The following NOTCH2 variants were observed in gnomAD, a reference collection of about 807,000 sequenced individuals.
The protein encoded by NOTCH2 is notch receptor 2, also known as neurogenic locus notch homolog protein 2.
Under a neutral mutation model 235.8 loss-of-function variants are expected in NOTCH2, and 29 were observed. The observed-to-expected ratio is 0.12, with a 90% CI of 0.09 to 0.17. The LOEUF is 0.17. NOTCH2 is among the 10% of genes least tolerant of loss of function. The pLI, the probability that NOTCH2 is intolerant of heterozygous loss-of-function variation, is 1.00. For synonymous variants in NOTCH2, 1,086 were observed against 1,141.5 expected (o/e 0.95, Z 0.98); for missense variants, 2,285 against 3,150.2 (o/e 0.73, Z 6.57).
chr1:119,942,873 CT>C (rs587671333), intron 17 of NOTCH2, among the ~76,000 whole-genome samples: 29,199 of 128,060 alleles, frequency 0.23, 2,994 homozygotes, highest in African/African-American at 0.37. Context: ...GTCCATATGT[CT>C]TTTTTTTTTT....
At chr1:119,944,571 A>G (rs587759435) in intron 17 of NOTCH2, among the ~76,000 whole-genome samples, 1 of 151,598 alleles carries the variant, frequency 6.6e-6, no homozygotes, top group East Asian at 1.9e-4. Flanking sequence ...CCACACCAAC[A>G]GGCATTATAA....
chr1:120,025,974 C>T (rs1397820366), intron 2 of NOTCH2, among the ~76,000 whole-genome samples: 3 of 138,466 alleles, frequency 2.2e-5, no homozygotes, highest in Non-Finnish European at 3.0e-5. Context: ...ATCTTATCTC[C>T]CTGTAGTGAG....
At chr1:119,922,926 G>T in intron 26 of NOTCH2, 148 bp from the exon 27 acceptor site, 1 of 905,490 alleles carries the variant, frequency 1.1e-6, no homozygotes, top group Non-Finnish European at 1.8e-6. Context: ...GCTGCCTTAA[G>T]ACATATCTCA....
intron 1 of NOTCH2, among the ~76,000 whole-genome samples, chr1:120,040,881 C>CA (rs1301494713): frequency 4.4e-3 from 625 of 142,892 alleles, no homozygotes; most frequent in African/African-American, 0.013. Context: ...ACTAAAAATA[C>CA]AAAAAAAAAA....
intron 30 of NOTCH2, 26 bp from the exon 31 acceptor site, chr1:119,919,639 G>C (rs370290586): frequency 1.2e-6 from 2 of 1,609,802 alleles, no homozygotes; most frequent in East Asian, 4.5e-5. Flanking sequence ...ATTCCATAAA[G>C]TACTCAAGAA....
At chr1:120,058,279 G>A (rs61790263) in intron 1 of NOTCH2, among the ~76,000 whole-genome samples, 17 of 151,614 alleles carry the variant, frequency 1.1e-4, no homozygotes, top group South Asian at 2.1e-4. Context: ...TGAGGCGGGC[G>A]GATCACCTGA....
chr1:119,918,348 C>G, intron 32 of NOTCH2, 58 bp downstream of exon 32: 2 of 1,597,278 alleles, frequency 1.3e-6, no homozygotes, highest in South Asian at 1.1e-5. Flanking sequence ...AACTCTATTC[C>G]CCTCGTCAGA....
Position 119,911,994 on chromosome 1 carries a change from T to A in NOTCH2, c.*3312A>T, listed in dbSNP as rs1220025609. ...TTTGCTCTCTCAGCAAATTATGACA[T>A]CATGAGGTAACACTGCCAGGCCATG... On this transcript the variant is annotated 3_prime_UTR_variant, in exon 34 of 34. Coordinates refer to ENST00000256646, the MANE Select transcript of NOTCH2 (RefSeq NM_024408.4). 4.3e-6 allele frequency: 1 copy of A among 233,532 alleles called. No homozygotes were observed. The highest frequency in any genetic ancestry group is 6.0e-5 in the East Asian group (1 of 16,560). The allele number at this position is 233,532 out of a possible 1,614,324, so 14.5% of individuals were successfully genotyped here.
rs1557840258 is a variant in NOTCH2, at chr1:119,999,971, GA to G, written c.416-2640del. ...AGAAAGAAAGAAAGAAAGAAAGAAA[GA>G]AAGAAAGGAAGGAAGGAAGGAAGGA... On this transcript the variant is annotated intron_variant, in intron 3 of 33. Coordinates refer to ENST00000256646, the MANE Select transcript of NOTCH2 (RefSeq NM_024408.4). 5.9e-3 allele frequency among the ~76,000 whole-genome samples: 576 copies of G among 98,214 alleles called. 1 individual carries two copies. The highest frequency in any genetic ancestry group is 0.013 in the East Asian group (51 of 3,784). The allele number at this position is 98,214 out of a possible 152,430, so 64.4% of individuals were successfully genotyped here.
At chr1:119,943,409 G>A (rs1421428732) in intron 17 of NOTCH2, among the ~76,000 whole-genome samples, 1 of 152,090 alleles carries the variant, frequency 6.6e-6, no homozygotes, top group East Asian at 1.9e-4. Context: ...AACAGCTCAT[G>A]TTTATTCAAT....
At chr1:119,924,925 T>C (rs900790340) in intron 25 of NOTCH2, among the ~76,000 whole-genome samples, 4 of 152,158 alleles carry the variant, frequency 2.6e-5, no homozygotes, top group African/African-American at 9.7e-5. Context: ...TAAATCTAGA[T>C]GGGGAAAAAC....
At position 119,967,655 on chromosome 1, in the gene NOTCH2, A is replaced by G. The variant is rs375998915; in HGVS notation, c.1265-34T>C. On this transcript the variant is annotated intron_variant, in intron 7 of 33. Transcript: ENST00000256646. Reference sequence around the variant, plus strand: ...CACAAGTACCAATTACTGGGATCAAAGCAGTTGAGTTTCCACAAATGTGAA... The same window carrying G: ...CACAAGTACCAATTACTGGGATCAAGGCAGTTGAGTTTCCACAAATGTGAA... 98 of 1,598,884 alleles carry G rather than the reference A, an allele frequency of 6.1e-5. No individual in the cohort carries two copies. The South Asian group carries it at 9.7e-4, about 16-fold the overall frequency.
chr1:119,915,345 CAT>C lies in NOTCH2; in HGVS notation c.7375_7376del (p.Met2459ValfsTer2). 1 of 1,613,970 alleles carries C rather than the reference CAT, an allele frequency of 6.2e-7. No homozygotes were observed. On this transcript the variant is annotated frameshift_variant, in exon 34 of 34. Transcript: ENST00000256646. LOFTEE classifies it high-confidence loss of function. ...GGGQRGPGTH[M>X]SEPPHNNMQV... ...GCATGTTGTTGTGTGGTGGCTCAGA[CAT>C]GTGTGTCCCAGGTCCCCGCTGACCT...
intron 2 of NOTCH2, among the ~76,000 whole-genome samples, chr1:120,023,659 T>C (rs1653725872): frequency 7.4e-6 from 1 of 134,784 alleles, no homozygotes; most frequent in East Asian, 2.0e-4. Context: ...TTATTTTGAT[T>C]AGTGAGTTTT....
intron 30 of NOTCH2, among the ~76,000 whole-genome samples, 179 bp from the exon 31 acceptor site, chr1:119,919,792 T>G (rs587731011): frequency 4.6e-5 from 7 of 152,340 alleles, no homozygotes; most frequent in African/African-American, 1.4e-4. Flanking sequence ...ATCATTTCTG[T>G]AAAGAATAAT....
intron 5 of NOTCH2, among the ~76,000 whole-genome samples, chr1:119,977,752 C>A (rs1651646258): frequency 6.6e-6 from 1 of 152,140 alleles, no homozygotes; most frequent in Non-Finnish European, 1.5e-5. Context: ...AAGAAAAATA[C>A]TAAAGTATCT....
At chr1:119,945,141 A>G (rs1240754352) in intron 17 of NOTCH2, among the ~76,000 whole-genome samples, 2 of 152,140 alleles carry the variant, frequency 1.3e-5, no homozygotes, top group African/African-American at 4.8e-5. Context: ...GGTACGATTG[A>G]AGGTACATTA....
intron 25 of NOTCH2, 62 bp from the exon 26 acceptor site, chr1:119,924,046 T>C: frequency 7.1e-7 from 1 of 1,402,662 alleles, no homozygotes; most frequent in Non-Finnish European, 1.0e-6. Context: ...CTCTATTTGC[T>C]TTTTCATTTG....
chr1:119,915,178 ATCT>A lies in NOTCH2; in HGVS notation c.*125_*127del, dbSNP rs1292781412. ...TCTCTTGCATTATCTGAATAAGAAC[ATCT>A]TCTCTTTCCTACCTCTAGAAGCTGG... On this transcript the variant is annotated 3_prime_UTR_variant, in exon 34 of 34. Transcript: ENST00000256646. 11 of 961,608 alleles carry A rather than the reference ATCT, an allele frequency of 1.1e-5. No individual in the cohort carries two copies. The Admixed American group carries it at 1.8e-4, about 16-fold the overall frequency. 59.6% of individuals were successfully genotyped at this position (961,608 alleles called of 1,614,324 possible).
Sources: gnomAD v4.1 joint callset for allele counts (sites outside exome capture counted in the v4.1 genomes callset) on GRCh38, gnomAD v4.1.1 for gene constraint, MANE v1.5 for transcripts, NCBI Gene and HGNC (gene_info 2026-07-23, HGNC 2026-07-21) for gene names.